The following ANKRD30A variants were observed in gnomAD, a reference collection of about 807,000 sequenced individuals.
ANKRD30A encodes the protein ankyrin repeat domain-containing protein 30A.
Under a neutral mutation model 166.3 loss-of-function variants are expected in ANKRD30A, and 170 were observed. The observed-to-expected ratio is 1.02, with a 90% CI of 0.90 to 1.16. ANKRD30A has a LOEUF of 1.16. Ranked by LOEUF, ANKRD30A falls within the 50% of genes most tolerant of loss-of-function variation. The pLI is 0.00. For synonymous variants in ANKRD30A, 564 were observed against 508.9 expected, an observed-to-expected ratio of 1.11 and a Z score of -1.46; for missense variants, 1,630 against 1,518.0, an observed-to-expected ratio of 1.07 and a Z score of -1.23.
chr10:37,218,600 A>C (rs2132740376), intron 33 of ANKRD30A, among the ~76,000 whole-genome samples: 1 of 151,208 alleles, frequency 6.6e-6, no homozygotes, highest in African/African-American at 2.4e-5. Context: ...TATATGCAGC[A>C]CTAAGATTCT....
Position 37,166,558 on chromosome 10 carries a change from A to G in ANKRD30A, c.2065-47A>G, listed in dbSNP as rs576565724. ...TTAGGAAATTTTGATACTCTTCATT[A>G]CTAGGATTTATCCATTGAAATTATT... is the stretch of plus-strand genomic sequence containing the variant. On this transcript the variant is annotated intron_variant, in intron 18 of 35. Coordinates refer to ENST00000361713, the MANE Select transcript of ANKRD30A (RefSeq NM_052997.3). 21 of 1,472,598 alleles carry G rather than the reference A, an allele frequency of 1.4e-5. No individual in the cohort carries two copies. The South Asian group carries it at 2.7e-4, about 19-fold the overall frequency. 91.2% of individuals were successfully genotyped at this position (1,472,598 alleles called of 1,614,324 possible). A position where few individuals can be genotyped will look rare whatever the true frequency, so the allele number is the denominator to read the frequency against.
At chr10:37,244,368 A>G in the ANKRD30A span, among the ~76,000 whole-genome samples, 1 of 152,212 alleles carries the variant, frequency 6.6e-6, no homozygotes, top group Admixed American at 6.5e-5. Flanking sequence ...CATGTACAGA[A>G]CTTTGGGATG....
rs935440865 is a variant in ANKRD30A, at chr10:37,190,532, G to T, written c.2512+975G>T. ...AGAGTTGGAAAAAATAATGTTAACA[G>T]GTGTCGAATGGGAAGAATCAAGAGC... is the stretch of plus-strand genomic sequence containing the variant. On this transcript the variant is annotated intron_variant, in intron 25 of 35. Coordinates refer to ENST00000361713, the MANE Select transcript of ANKRD30A (RefSeq NM_052997.3). 9.2e-5 allele frequency among the ~76,000 whole-genome samples: 14 copies of T among 151,780 alleles called. 1 individual carries two copies. Among genetic ancestry groups the T allele is most frequent in the African/African-American group, 2.7e-4 (11 of 41,180 alleles).
At chr10:37,154,753 T>G (rs17590498) in intron 13 of ANKRD30A, among the ~76,000 whole-genome samples, 15 of 152,272 alleles carry the variant, frequency 9.9e-5, no homozygotes, top group East Asian at 1.9e-4. Context: ...TTTCTATGAA[T>G]GAAAATGGAG....
the ANKRD30A span, among the ~76,000 whole-genome samples, chr10:37,243,060 T>C: frequency 6.6e-6 from 1 of 152,198 alleles, no homozygotes. Flanking sequence ...AGTAATTGTA[T>C]AAATATTTTT....
At chr10:37,206,532 G>A (rs1842006779) in intron 31 of ANKRD30A, among the ~76,000 whole-genome samples, 1 of 152,180 alleles carries the variant, frequency 6.6e-6, no homozygotes, top group African/African-American at 2.4e-5. Flanking sequence ...GCTCATGCCT[G>A]TAATCCCAGC....
intron 6 of ANKRD30A, among the ~76,000 whole-genome samples, chr10:37,138,902 A>G (rs1280844634): frequency 6.6e-6 from 1 of 152,186 alleles, no homozygotes; most frequent in East Asian, 1.9e-4. Context: ...CCTTGAGAAG[A>G]GCAACTCCAA....
At chr10:37,146,365 A>G (rs1447956401) in intron 8 of ANKRD30A, among the ~76,000 whole-genome samples, 1 of 152,270 alleles carries the variant, frequency 6.6e-6, no homozygotes, top group African/African-American at 2.4e-5. Flanking sequence ...TATTCTTAAC[A>G]TTCTTTTCAT....
chr10:37,126,340 A>G (rs1836008561), intron 1 of ANKRD30A, among the ~76,000 whole-genome samples: 1 of 152,246 alleles, frequency 6.6e-6, no homozygotes, highest in Non-Finnish European at 1.5e-5. Flanking sequence ...TTAAGTACAT[A>G]CAGGGTTTTA....
chr10:37,161,534 C>T (rs1311173087), intron 15 of ANKRD30A, among the ~76,000 whole-genome samples: 2 of 151,864 alleles, frequency 1.3e-5, no homozygotes, highest in African/African-American at 4.8e-5. Context: ...AGAATGTAGG[C>T]AGGTAATTCT....
chr10:37,151,483 A>C (rs1285180193), intron 11 of ANKRD30A, among the ~76,000 whole-genome samples: 1 of 152,104 alleles, frequency 6.6e-6, no homozygotes, highest in Non-Finnish European at 1.5e-5. Flanking sequence ...ATTCAATAAA[A>C]GTTTTTAAGC....
chr10:37,135,335 C>T (rs1836615933), intron 5 of ANKRD30A: 2 of 152,180 alleles, frequency 1.3e-5, no homozygotes. Flanking sequence ...TGAAGTGTTG[C>T]ATATTTCTTG....
chr10:37,222,202 A>G (rs1195109502), intron 34 of ANKRD30A, among the ~76,000 whole-genome samples: 1 of 151,162 alleles, frequency 6.6e-6, no homozygotes, highest in East Asian at 2.0e-4. Flanking sequence ...TTTTCAGAAC[A>G]TTTTCATCAC....
At chr10:37,199,497 C>T (rs920661362) in intron 29 of ANKRD30A, among the ~76,000 whole-genome samples, 1 of 151,872 alleles carries the variant, frequency 6.6e-6, no homozygotes, top group Non-Finnish European at 1.5e-5. Flanking sequence ...AGAAGTTAGT[C>T]AAATTTATAT....
downstream of ANKRD30A, chr10:37,232,654 TTATATATATATATATATATATATATATA>T (rs10559316): frequency 3.7e-5 from 2 of 54,212 alleles, no homozygotes; most frequent in Non-Finnish European, 6.9e-5. Context: ...AGCATTGGTT[TTATATATATATATATATATATATATATA>T]TATATATATA....
the ANKRD30A span, among the ~76,000 whole-genome samples, chr10:37,247,150 AG>A: frequency 4.6e-5 from 7 of 152,188 alleles, no homozygotes; most frequent in African/African-American, 7.2e-5. Flanking sequence ...AGCTGAGCAG[AG>A]GGGGGTTAGC....
the ANKRD30A span, among the ~76,000 whole-genome samples, chr10:37,246,027 A>C: frequency 6.6e-6 from 1 of 152,190 alleles, no homozygotes; most frequent in South Asian, 2.1e-4. Context: ...CTGATGAGCC[A>C]AACACTAACT....
intron 34 of ANKRD30A, among the ~76,000 whole-genome samples, chr10:37,224,900 A>ATGTG (rs1419759834): frequency 6.6e-6 from 1 of 151,502 alleles, no homozygotes; most frequent in Non-Finnish European, 1.5e-5. Flanking sequence ...GTGATAATTT[A>ATGTG]TGTGTGTGTG....
intron 30 of ANKRD30A, among the ~76,000 whole-genome samples, 179 bp from the exon 31 acceptor site, chr10:37,201,056 A>C (rs1841582933): frequency 6.6e-6 from 1 of 151,998 alleles, no homozygotes; most frequent in Non-Finnish European, 1.5e-5. Flanking sequence ...AGCTTGATGT[A>C]GAGAGGGTTA....
Sources: allele counts gnomAD v4.1 joint callset (sites outside exome capture counted in the v4.1 genomes callset), GRCh38; gene constraint gnomAD v4.1.1; transcripts MANE v1.5; gene names NCBI Gene and HGNC (gene_info 2026-07-23, HGNC 2026-07-21).